Variants in CRPPA observed in about 807,000 individuals in gnomAD.
CRPPA encodes CDP-L-ribitol pyrophosphorylase A, also known as D-ribitol-5-phosphate cytidylyltransferase.
In CRPPA, 43 loss-of-function variants were observed where a neutral mutation model predicts 52.0. That is an observed-to-expected ratio of 0.83 (90% CI 0.65 to 1.07). The LOEUF is 1.07. CRPPA is among the 50% of genes least tolerant of loss of function. The pLI, the probability that CRPPA is intolerant of heterozygous loss-of-function variation, is 0.00. For missense variants in CRPPA, 629 were observed against 551.7 expected (o/e 1.14, Z -1.40); for synonymous variants, 250 against 203.5 (o/e 1.23, Z -1.94).
chr7:16,094,792 G>A (rs1004485226), intron 9 of CRPPA, among the ~76,000 whole-genome samples: 1 of 152,008 alleles, frequency 6.6e-6, no homozygotes, highest in Admixed American at 6.6e-5. Flanking sequence ...GGAAGACATC[G>A]GAAAAGTTCC....
chr7:16,258,614 C>A (rs1783709785), intron 7 of CRPPA, 132 bp from the exon 8 acceptor site: 1 of 626,350 alleles, frequency 1.6e-6, no homozygotes, highest in Non-Finnish European at 2.6e-6. Flanking sequence ...AATTTAGAAA[C>A]AATTTTAAAG....
intron 8 of CRPPA, among the ~76,000 whole-genome samples, chr7:16,216,990 G>A (rs1782343189): frequency 6.6e-6 from 1 of 152,064 alleles, no homozygotes; most frequent in Non-Finnish European, 1.5e-5. Context: ...TGGGGGCAGG[G>A]CACAGACAAA....
At chr7:16,323,173 C>G (rs1785300807) in intron 3 of CRPPA, among the ~76,000 whole-genome samples, 1 of 152,052 alleles carries the variant, frequency 6.6e-6, no homozygotes, top group African/African-American at 2.4e-5. Context: ...TCACAAGTCT[C>G]CAGATAAAGA....
intron 5 of CRPPA, among the ~76,000 whole-genome samples, chr7:16,299,918 CA>C (rs35143519): frequency 5.3e-5 from 8 of 150,484 alleles, no homozygotes; most frequent in East Asian, 3.9e-4. Context: ...CAATTGTTGA[CA>C]AAAAAAAAGT....
chr7:16,160,408 C>A (rs1413683279), intron 9 of CRPPA, among the ~76,000 whole-genome samples: 1 of 152,138 alleles, frequency 6.6e-6, no homozygotes, highest in African/African-American at 2.4e-5. Context: ...TTCCCAACAC[C>A]ATTTATTAAA....
At chr7:16,244,772 C>G (rs1012908711) in intron 8 of CRPPA, among the ~76,000 whole-genome samples, 1 of 152,164 alleles carries the variant, frequency 6.6e-6, no homozygotes, top group African/African-American at 2.4e-5. Context: ...GAAATTGGAA[C>G]TTGAAGACCC....
Position 16,421,165 on chromosome 7 carries a change from G to A in CRPPA, c.158C>T (p.Ala53Val). 1 of 1,338,910 alleles carries A rather than the reference G, an allele frequency of 7.5e-7. No homozygotes were observed. The highest frequency in any genetic ancestry group is 9.6e-7 in the Non-Finnish European group (1 of 1,039,864). 82.9% of individuals were successfully genotyped at this position (1,338,910 alleles called of 1,614,324 possible). A position where few individuals can be genotyped will look rare whatever the true frequency, so the allele number is the denominator to read the frequency against. Residue 53 changes from alanine to valine, a missense_variant, in exon 1 of 10, where the codon GCC becomes GTC. Coordinates refer to ENST00000407010, the MANE Select transcript of CRPPA (RefSeq NM_001101426.4). ...HPQAVAAVLP[A>V]GGCGERMGVP... ...CCCCATCCTCTCCCCGCACCCCCCG[G>A]CAGGCAACACAGCTGCCACGGCTTG... is the stretch of plus-strand genomic sequence containing the variant.
chr7:16,169,691 T>C (rs955956772), intron 9 of CRPPA, among the ~76,000 whole-genome samples: 1 of 152,238 alleles, frequency 6.6e-6, no homozygotes, highest in Non-Finnish European at 1.5e-5. Context: ...AAGTTCTTTT[T>C]GTGCTATGCT....
chr7:16,217,532 G>T (rs1208611220), intron 8 of CRPPA, among the ~76,000 whole-genome samples: 1 of 130,242 alleles, frequency 7.7e-6, no homozygotes, highest in African/African-American at 2.9e-5. Flanking sequence ...CAAAGAAGTT[G>T]AAAACTTTGA....
chr7:16,230,785 C>CT (rs1242580732), intron 8 of CRPPA, among the ~76,000 whole-genome samples: 1 of 152,126 alleles, frequency 6.6e-6, no homozygotes, highest in African/African-American at 2.4e-5. Flanking sequence ...AGGGATTTGG[C>CT]TTTGCCTGGT....
chr7:16,420,112 C>T (rs1294298187), intron 1 of CRPPA, among the ~76,000 whole-genome samples: 2 of 152,094 alleles, frequency 1.3e-5, no homozygotes, highest in African/African-American at 2.4e-5. Flanking sequence ...GTGCCACTTC[C>T]CTTGGACTAG....
chr7:16,287,729 C>G (rs1364834489), intron 5 of CRPPA, among the ~76,000 whole-genome samples: 1 of 152,090 alleles, frequency 6.6e-6, no homozygotes, highest in Non-Finnish European at 1.5e-5. Flanking sequence ...CAAGACCAGC[C>G]TGGCCAATAT....
chr7:16,381,767 A>G (rs1787097230), intron 2 of CRPPA, among the ~76,000 whole-genome samples: 1 of 151,426 alleles, frequency 6.6e-6, no homozygotes, highest in Non-Finnish European at 1.5e-5. Flanking sequence ...GTCTCTTTCG[A>G]TCTTTGTTGG....
intron 9 of CRPPA, among the ~76,000 whole-genome samples, chr7:16,198,724 ATT>A (rs11415283): frequency 7.1e-6 from 1 of 141,488 alleles, no homozygotes; most frequent in Admixed American, 7.0e-5. Context: ...CTTGCGCAGC[ATT>A]TTTTTTTTTT....
intron 9 of CRPPA, among the ~76,000 whole-genome samples, chr7:16,109,675 C>T (rs1211976162): frequency 6.6e-6 from 1 of 151,912 alleles, no homozygotes; most frequent in Non-Finnish European, 1.5e-5. Flanking sequence ...TCAACAAGTG[C>T]TGTACCTCAT....
At chr7:16,252,881 T>C (rs1486070223) in intron 8 of CRPPA, among the ~76,000 whole-genome samples, 1 of 152,198 alleles carries the variant, frequency 6.6e-6, no homozygotes, top group African/African-American at 2.4e-5. Context: ...AGTTTTGTAG[T>C]TTATTTGAGT....
At chr7:16,135,420 C>A (rs1318945764) in intron 9 of CRPPA, among the ~76,000 whole-genome samples, 1 of 152,066 alleles carries the variant, frequency 6.6e-6, no homozygotes, top group Non-Finnish European at 1.5e-5. Flanking sequence ...AAAGTTTCTT[C>A]AACTTATTTG....
At chr7:16,299,715 G>C (rs1396176545) in intron 5 of CRPPA, among the ~76,000 whole-genome samples, 3 of 152,092 alleles carry the variant, frequency 2.0e-5, no homozygotes, top group Non-Finnish European at 4.4e-5. Context: ...AATAAAAGTA[G>C]AACATGTTTT....
chr7:16,172,069 C>T (rs1488532957), intron 9 of CRPPA, among the ~76,000 whole-genome samples: 3 of 152,170 alleles, frequency 2.0e-5, no homozygotes, highest in Non-Finnish European at 2.9e-5. Context: ...GCTTTCTTTG[C>T]TTCCTTCCTC....
Sources: gnomAD v4.1 joint callset for allele counts (sites outside exome capture counted in the v4.1 genomes callset) on GRCh38, gnomAD v4.1.1 for gene constraint, MANE v1.5 for transcripts, NCBI Gene and HGNC (gene_info 2026-07-23, HGNC 2026-07-21) for gene names.